SLC11A2: variants seen among roughly 807,000 people sequenced by gnomAD.
SLC11A2 encodes the protein natural resistance-associated macrophage protein 2.
In SLC11A2, 38 loss-of-function variants were observed where a neutral mutation model predicts 68.0. The ratio of observed to expected loss-of-function variants is 0.56; its 90% CI spans 0.43 to 0.73. SLC11A2 has a LOEUF of 0.73. Ranked by LOEUF, SLC11A2 falls within the 30% of genes least tolerant of loss-of-function variation. The pLI is 0.00. For synonymous variants in SLC11A2, 242 were observed against 250.6 expected (o/e 0.97, Z 0.32); for missense variants, 517 against 690.5 (o/e 0.75, Z 2.82).
the SLC11A2 span, among the ~76,000 whole-genome samples, chr12:50,969,470 C>G: frequency 6.6e-6 from 1 of 152,012 alleles, no homozygotes; most frequent in African/African-American, 2.4e-5. Flanking sequence ...GAGGCCAAGG[C>G]AGGCAGACCA....
intron 1 of SLC11A2, chr12:51,026,061 C>T (rs1340720273): frequency 1.8e-6 from 2 of 1,098,272 alleles, no homozygotes; most frequent in Non-Finnish European, 2.2e-6. Context: ...GGGCGAGACC[C>T]CCGCGACCTC....
chr12:51,002,281 A>G (rs1455613045), intron 5 of SLC11A2, among the ~76,000 whole-genome samples: 2 of 152,094 alleles, frequency 1.3e-5, no homozygotes, highest in Non-Finnish European at 2.9e-5. Flanking sequence ...CTGGGAGGTC[A>G]AGGGTATAGT....
chr12:51,028,607 G>C (rs1202952702), upstream of SLC11A2: 1 of 193,656 alleles, frequency 5.2e-6, no homozygotes, highest in Admixed American at 5.7e-5. Context: ...TCCTCTTGGA[G>C]TGCAGCTGGT....
At chr12:51,001,544 C>T (rs2136251090) in intron 5 of SLC11A2, among the ~76,000 whole-genome samples, 1 of 149,028 alleles carries the variant, frequency 6.7e-6, no homozygotes, top group East Asian at 2.0e-4. Context: ...TACGGAATAG[C>T]CTTTCTTTAT....
In SLC11A2 at chr12:51,008,605, A is replaced by G; in HGVS notation, c.54T>C (p.His18=). The G allele has an allele frequency of 1.2e-6, 2 of 1,612,984 alleles. No homozygotes were observed. Among genetic ancestry groups the G allele is most frequent in the Non-Finnish European group, 1.7e-6 (2 of 1,178,984 alleles). ...KMSDDSVSGD[H]GESASLGNIN... is the part of the protein sequence containing the mutation. ...TGTTACCAAGACTGGCAGACTCCCC[A>G]TGATCTCCAGAAACACTGTCTGAAT... Residue 18 remains histidine (H), a synonymous_variant, in exon 3 of 16, where the codon CAT becomes CAC. Coordinates refer to ENST00000262052, the MANE Select transcript of SLC11A2 (RefSeq NM_000617.3).
At chr12:50,992,783 C>T in intron 12 of SLC11A2, 27 bp downstream of exon 12, 6 of 1,581,382 alleles carry the variant, frequency 3.8e-6, no homozygotes, top group Non-Finnish European at 5.2e-6. Context: ...GTTGTGTTAT[C>T]TCCCTCTATC....
At chr12:50,985,601 C>T (rs11169652), downstream of SLC11A2, among the ~76,000 whole-genome samples, 22,229 of 152,104 alleles carry the variant, frequency 0.15, 1,894 homozygotes, top group South Asian at 0.26. Context: ...GGTTTCTCTT[C>T]AAATACTAAT....
the SLC11A2 span, among the ~76,000 whole-genome samples, chr12:50,964,788 C>A: frequency 6.6e-6 from 1 of 152,222 alleles, no homozygotes; most frequent in Non-Finnish European, 1.5e-5. Flanking sequence ...GAGTGACCAC[C>A]TGATTAAGTT....
At chr12:51,004,236 C>A (rs1942524602) in intron 5 of SLC11A2, among the ~76,000 whole-genome samples, 1 of 152,126 alleles carries the variant, frequency 6.6e-6, no homozygotes, top group Non-Finnish European at 1.5e-5. Flanking sequence ...AGTGTTCATT[C>A]TTGCCTTAGG....
chr12:50,987,335 T>C lies in SLC11A2; in HGVS notation c.*990A>G, dbSNP rs1384909507. On this transcript the variant is annotated 3_prime_UTR_variant, in exon 16 of 16. Coordinates refer to ENST00000262052, the MANE Select transcript of SLC11A2 (RefSeq NM_000617.3). ...TCCTGAGATTGCCTCGCAAGTCATC[T>C]TGGGCATGAAGCAGAGCGGTGCATC... The C allele has an allele frequency of 2.3e-6, 3 of 1,287,116 alleles. No homozygotes were observed. Among genetic ancestry groups the C allele is most frequent in the African/African-American group, 1.5e-5 (1 of 65,792 alleles). The allele number at this position is 1,287,116 out of a possible 1,614,324, so 79.7% of individuals were successfully genotyped here. A position where few individuals can be genotyped will look rare whatever the true frequency, so the allele number is the denominator to read the frequency against.
At position 51,026,383 on chromosome 12, in the gene SLC11A2, C is replaced by G; in HGVS notation, c.-112G>C. The G allele has an allele frequency of 1.6e-6, 2 of 1,274,746 alleles. No individual in the cohort carries two copies. Among genetic ancestry groups the G allele is most frequent in the Non-Finnish European group, 2.0e-6 (2 of 977,978 alleles). 79.0% of individuals were successfully genotyped at this position (1,274,746 alleles called of 1,614,324 possible). A position where few individuals can be genotyped will look rare whatever the true frequency, so the allele number is the denominator to read the frequency against. On this transcript the variant is annotated 5_prime_UTR_variant, in exon 1 of 16. Coordinates refer to ENST00000262052, the MANE Select transcript of SLC11A2 (RefSeq NM_000617.3). The stretch of plus-strand genomic sequence containing the variant: ...CCATATTCCGGGAGCCAGCGCCACG[C>G]TGGCTAACGCCCTCCCCTCCCCGCG...
downstream of SLC11A2, among the ~76,000 whole-genome samples, chr12:50,977,034 T>C (rs1283874272): frequency 6.6e-6 from 1 of 151,972 alleles, no homozygotes. Flanking sequence ...TGCTCATGGG[T>C]AGGAAGAATC....
At chr12:50,965,930 G>A in the SLC11A2 span, among the ~76,000 whole-genome samples, 2 of 152,174 alleles carry the variant, frequency 1.3e-5, no homozygotes, top group Admixed American at 1.3e-4. Flanking sequence ...ATTGGTCAAG[G>A]AGCCCTGGCT....
At chr12:50,992,548 T>A (rs11169655) in intron 12 of SLC11A2, among the ~76,000 whole-genome samples, 22,166 of 151,602 alleles carry the variant, frequency 0.15, 1,861 homozygotes, top group South Asian at 0.27. Context: ...CTGGCCAACA[T>A]GGTGAAACGC....
chr12:51,016,551 G>A (rs933547944), intron 1 of SLC11A2, among the ~76,000 whole-genome samples: 11 of 151,738 alleles, frequency 7.2e-5, no homozygotes, highest in Non-Finnish European at 1.2e-4. Context: ...GTGTAGTGGC[G>A]CATGCCTGTA....
chr12:50,975,140 C>A (rs1436843382), downstream of SLC11A2, among the ~76,000 whole-genome samples: 1 of 152,136 alleles, frequency 6.6e-6, no homozygotes, highest in African/African-American at 2.4e-5. Flanking sequence ...CCAAGTGGAC[C>A]TAATAGACAT....
At chr12:51,000,985 C>A (rs996027737) in intron 5 of SLC11A2, among the ~76,000 whole-genome samples, 2 of 151,678 alleles carry the variant, frequency 1.3e-5, no homozygotes, top group Non-Finnish European at 2.9e-5. Context: ...GCCAACATGG[C>A]GAAACCCCGT....
the SLC11A2 span, chr12:50,960,883 T>C: frequency 8.3e-7 from 1 of 1,208,544 alleles, no homozygotes; most frequent in Non-Finnish European, 1.1e-6. Context: ...TCTTGCTATG[T>C]TGCCCAGGCT....
At chr12:50,969,408 T>C in the SLC11A2 span, among the ~76,000 whole-genome samples, 32 of 152,026 alleles carry the variant, frequency 2.1e-4, no homozygotes, top group Admixed American at 7.9e-4. Context: ...TGTAGAAATC[T>C]CATACGTAAG....
Sources: gnomAD v4.1 joint callset for allele counts (sites outside exome capture counted in the v4.1 genomes callset) on GRCh38, gnomAD v4.1.1 for gene constraint, MANE v1.5 for transcripts, NCBI Gene and HGNC (gene_info 2026-07-23, HGNC 2026-07-21) for gene names.